The following COL19A1 variants were observed in gnomAD, a reference collection of about 807,000 sequenced individuals.
The protein encoded by COL19A1 is collagen alpha-1(XIX) chain.
COL19A1 carries 159 observed loss-of-function variants against 190.2 expected under a neutral mutation model. That is an observed-to-expected ratio of 0.84 (90% CI 0.73 to 0.95). The LOEUF (loss-of-function observed/expected upper bound fraction) is 0.95. Ranked by LOEUF, COL19A1 falls within the 40% of genes least tolerant of loss-of-function variation. The pLI, the probability that COL19A1 is intolerant of heterozygous loss-of-function variation, is 0.00. For missense variants in COL19A1, 1,418 were observed against 1,431.9 expected, an observed-to-expected ratio of 0.99 and a Z score of 0.16; for synonymous variants, 509 against 458.9, an observed-to-expected ratio of 1.11 and a Z score of -1.39.
intron 47 of COL19A1, among the ~76,000 whole-genome samples, chr6:70,190,066 A>G (rs1766761105): frequency 6.6e-6 from 1 of 152,232 alleles, no homozygotes; most frequent in East Asian, 1.9e-4. Context: ...ATTTAATGGG[A>G]AACCTGTTGA....
rs535001494 is a variant in COL19A1 at position 70,038,515 on chromosome 6, G to A, written c.1170+2576G>A. The stretch of plus-strand genomic sequence containing the variant: ...TAGCGATAAAGAACTATCTCTTTCC[G>A]TTAGGGAGGCATACTAGTAAAATGA... On this transcript the variant is annotated intron_variant, in intron 14 of 50. Coordinates refer to ENST00000620364, the MANE Select transcript of COL19A1 (RefSeq NM_001858.6). Among the ~76,000 whole-genome samples the A allele has an allele frequency of 1.3e-4, 20 of 152,254 alleles. No homozygotes were observed. The East Asian group carries it at 2.7e-3, about 21-fold the overall frequency.
At chr6:70,107,585 T>G (rs1299201603) in intron 16 of COL19A1, among the ~76,000 whole-genome samples, 2 of 152,202 alleles carry the variant, frequency 1.3e-5, no homozygotes, top group Admixed American at 6.6e-5. Flanking sequence ...AGAGAAGAGA[T>G]TGTCTTCAAT....
intron 15 of COL19A1, among the ~76,000 whole-genome samples, chr6:70,073,133 A>G (rs6901226): frequency 0.32 from 48,148 of 151,880 alleles, 9,666 homozygotes; most frequent in Non-Finnish European, 0.44. Flanking sequence ...GATTACAGGC[A>G]TGCACCACCA....
At chr6:69,921,514 G>GTATATTCATATATATTCA (rs1561998827) in intron 4 of COL19A1, among the ~76,000 whole-genome samples, 2 of 17,484 alleles carry the variant, frequency 1.1e-4, no homozygotes, top group Non-Finnish European at 2.1e-4. Context: ...ATATTCATAT[G>GTATATTCATATATATTCA]TATATTCATA....
At chr6:69,920,205 G>A (rs1280994532) in intron 4 of COL19A1, among the ~76,000 whole-genome samples, 1 of 152,106 alleles carries the variant, frequency 6.6e-6, no homozygotes, top group Non-Finnish European at 1.5e-5. Flanking sequence ...TGAAATAAAT[G>A]TTTTATTAGG....
intron 10 of COL19A1, among the ~76,000 whole-genome samples, chr6:69,962,299 T>G (rs1475242153): frequency 6.6e-6 from 1 of 152,148 alleles, no homozygotes; most frequent in African/African-American, 2.4e-5. Context: ...TGAGCCAGCA[T>G]AGTGGACAAG....
intron 44 of COL19A1, 86 bp downstream of exon 44, chr6:70,180,609 A>G: frequency 7.1e-7 from 1 of 1,405,600 alleles, no homozygotes; most frequent in Non-Finnish European, 1.0e-6. Flanking sequence ...AAATTCTGAG[A>G]TTTGAATAAG....
chr6:69,949,808 A>G (rs1333518407), intron 9 of COL19A1, among the ~76,000 whole-genome samples: 2 of 151,858 alleles, frequency 1.3e-5, no homozygotes, highest in Admixed American at 6.6e-5. Context: ...TTTGCTTTAC[A>G]TAGAATCAGG....
intron 16 of COL19A1, among the ~76,000 whole-genome samples, chr6:70,113,251 T>C (rs574421699): frequency 6.6e-6 from 1 of 152,234 alleles, no homozygotes; most frequent in South Asian, 2.1e-4. Flanking sequence ...TAAACTGTTA[T>C]TATCTTTTGT....
At chr6:69,872,232 C>T (rs73749317) in intron 1 of COL19A1, among the ~76,000 whole-genome samples, 2,887 of 152,158 alleles carry the variant, frequency 0.019, 98 homozygotes, top group African/African-American at 0.064. Flanking sequence ...AGCTCTGTGA[C>T]CAGAGTGGTA....
At chr6:70,113,842 C>CTTTTTTTTTTTTTTT (rs34876942) in intron 16 of COL19A1, among the ~76,000 whole-genome samples, 1 of 64,136 alleles carries the variant, frequency 1.6e-5, no homozygotes, top group Non-Finnish European at 2.6e-5. Flanking sequence ...CCAAGTCTTT[C>CTTTTTTTTTTTTTTT]TTTTTTTTTT....
intron 4 of COL19A1, among the ~76,000 whole-genome samples, chr6:69,918,929 C>T (rs75811789): frequency 3.3e-5 from 5 of 152,274 alleles, no homozygotes; most frequent in African/African-American, 4.8e-5. Context: ...TATTTAATTA[C>T]AATGCCTTTC....
chr6:69,904,157 G>A (rs1466322338), intron 4 of COL19A1, among the ~76,000 whole-genome samples: 2 of 152,178 alleles, frequency 1.3e-5, no homozygotes, highest in Non-Finnish European at 2.9e-5. Context: ...CCTCATGTGG[G>A]AGGGAAAGCG....
At chr6:69,948,079 C>A (rs989096962) in intron 9 of COL19A1, among the ~76,000 whole-genome samples, 2 of 151,762 alleles carry the variant, frequency 1.3e-5, no homozygotes, top group Admixed American at 1.3e-4. Context: ...TAAAGAGATG[C>A]CCCAATCTAA....
chr6:69,985,173 G>A lies in COL19A1; in HGVS notation c.1026+22303G>A, dbSNP rs185547072. 1.9e-3 allele frequency among the ~76,000 whole-genome samples: 289 copies of A among 152,242 alleles called. 2 individuals carry two copies. Among genetic ancestry groups the A allele is most frequent in the African/African-American group, 6.8e-3 (281 of 41,560 alleles). ...ACTATTGAAATTTTAATAGTACAAG[G>A]TTAAAAATGGCATTCAATATGAGTT... On this transcript the variant is annotated intron_variant, in intron 11 of 50. Transcript: ENST00000620364.
chr6:70,017,129 A>G (rs1329759671), intron 11 of COL19A1, among the ~76,000 whole-genome samples: 2 of 152,164 alleles, frequency 1.3e-5, no homozygotes, highest in Admixed American at 6.6e-5. Context: ...AATATGGTGT[A>G]CCCACATAAA....
intron 40 of COL19A1, 113 bp downstream of exon 40, chr6:70,168,794 C>A: frequency 9.2e-7 from 1 of 1,090,590 alleles, no homozygotes; most frequent in Middle Eastern, 2.8e-4. Context: ...AATTAACATG[C>A]TGGTGGTGAC....
At chr6:70,152,231 TAC>T (rs142325051) in intron 31 of COL19A1, among the ~76,000 whole-genome samples, 2 of 151,902 alleles carry the variant, frequency 1.3e-5, no homozygotes, top group Middle Eastern at 6.8e-3. Flanking sequence ...TGTGTATGTG[TAC>T]ACACACACAC....
At chr6:70,107,377 A>G (rs1784040409) in intron 16 of COL19A1, among the ~76,000 whole-genome samples, 1 of 152,038 alleles carries the variant, frequency 6.6e-6, no homozygotes, top group African/African-American at 2.4e-5. Context: ...TCCTGGAACA[A>G]TTTTCTTAAT....
Sources: gnomAD v4.1 joint callset for allele counts (sites outside exome capture counted in the v4.1 genomes callset) on GRCh38, gnomAD v4.1.1 for gene constraint, MANE v1.5 for transcripts, NCBI Gene and HGNC (gene_info 2026-07-23, HGNC 2026-07-21) for gene names.